FGGY: variants seen among roughly 807,000 people sequenced by gnomAD.
FGGY encodes the protein FGGY carbohydrate kinase domain-containing protein.
A neutral mutation model predicts 71.3 loss-of-function variants in FGGY; 72 were observed. That is an observed-to-expected ratio of 1.01 (90% CI 0.84 to 1.23). The LOEUF is 1.23. FGGY is among the 50% of genes most tolerant of loss of function. The pLI is 0.00. For missense variants in FGGY, 668 were observed against 682.3 expected, an observed-to-expected ratio of 0.98 and a Z score of 0.23; for synonymous variants, 251 against 250.3, an observed-to-expected ratio of 1.00 and a Z score of -0.02.
intron 5 of FGGY, among the ~76,000 whole-genome samples, chr1:59,431,265 G>T (rs2067312735): frequency 6.6e-6 from 1 of 152,076 alleles, no homozygotes; most frequent in African/African-American, 2.4e-5. Flanking sequence ...CCCACTGCTG[G>T]CAGGAAACAA....
chr1:59,543,968 A>G (rs573998983), intron 7 of FGGY, among the ~76,000 whole-genome samples: 10 of 152,360 alleles, frequency 6.6e-5, no homozygotes, highest in African/African-American at 2.4e-4. Context: ...TTTGTTTAGT[A>G]GTGCCTATAT....
At chr1:59,317,538 T>G (rs1261355741) in intron 1 of FGGY, among the ~76,000 whole-genome samples, 1 of 152,220 alleles carries the variant, frequency 6.6e-6, no homozygotes, top group Non-Finnish European at 1.5e-5. Flanking sequence ...GGGGTACTGG[T>G]TGCATAAGAT....
At chr1:59,725,080 T>G (rs1167129060) in intron 14 of FGGY, among the ~76,000 whole-genome samples, 1 of 152,226 alleles carries the variant, frequency 6.6e-6, no homozygotes, top group East Asian at 1.9e-4. Flanking sequence ...CTAGATGTTT[T>G]ATAGTTTTGT....
chr1:59,597,262 G>T (rs1016221785), intron 8 of FGGY, among the ~76,000 whole-genome samples: 1 of 152,166 alleles, frequency 6.6e-6, no homozygotes, highest in African/African-American at 2.4e-5. Context: ...TGATGCTTAT[G>T]CACAGAAATT....
chr1:59,524,964 G>A (rs2094937042), intron 7 of FGGY, among the ~76,000 whole-genome samples: 1 of 152,234 alleles, frequency 6.6e-6, no homozygotes, highest in African/African-American at 2.4e-5. Context: ...AAGAGCTGTG[G>A]CCCTTCATGG....
chr1:59,499,171 T>C (rs2094140003), intron 6 of FGGY, among the ~76,000 whole-genome samples: 1 of 152,148 alleles, frequency 6.6e-6, no homozygotes, highest in Admixed American at 6.6e-5. Context: ...CTGGACACTT[T>C]CTTCTCTGCT....
intron 4 of FGGY, among the ~76,000 whole-genome samples, chr1:59,370,101 A>C (rs144133325): frequency 0.027 from 4,121 of 152,304 alleles, 208 homozygotes; most frequent in African/African-American, 0.095. Context: ...AGGCTTCAGA[A>C]GATGAAACTA....
At chr1:59,464,528 G>A (rs1158050558) in intron 6 of FGGY, among the ~76,000 whole-genome samples, 1 of 152,090 alleles carries the variant, frequency 6.6e-6, no homozygotes, top group Non-Finnish European at 1.5e-5. Context: ...CAGAACGGAA[G>A]GAGATAGAGA....
rs531017244 is a variant in FGGY, at chr1:59,632,109, T to A, written c.1073+6060T>A. Among the ~76,000 whole-genome samples, 112 of 152,318 alleles carry A rather than the reference T, an allele frequency of 7.4e-4. 1 individual carries two copies. The highest frequency in any genetic ancestry group is 3.9e-4 in the Admixed American group (6 of 15,300). The stretch of plus-strand genomic sequence containing the variant: ...TGTCTGATGAGTATCTTTTGAGCAT[T>A]TGTGATACATGAATGAACCAAGCAA... On this transcript the variant is annotated intron_variant, in intron 10 of 15. Transcript: ENST00000303721.
intron 5 of FGGY, among the ~76,000 whole-genome samples, chr1:59,381,628 C>CGTGTGT (rs113981398): frequency 0.014 from 1,994 of 143,250 alleles, 34 homozygotes; most frequent in African/African-American, 0.045. Flanking sequence ...ATGTATAACT[C>CGTGTGT]GTGTGTGTGT....
chr1:59,373,734 G>T (rs1034965520), intron 4 of FGGY, among the ~76,000 whole-genome samples: 3 of 152,020 alleles, frequency 2.0e-5, no homozygotes, highest in Non-Finnish European at 4.4e-5. Context: ...ACAGAACAGA[G>T]CCCTCAGAAA....
intron 7 of FGGY, among the ~76,000 whole-genome samples, chr1:59,538,545 G>A (rs1022235066): frequency 1.6e-4 from 23 of 146,540 alleles, no homozygotes; most frequent in East Asian, 5.9e-4. Context: ...ACATGCACAC[G>A]TATGTTTATT....
intron 2 of FGGY, among the ~76,000 whole-genome samples, chr1:59,335,647 G>T (rs1230194494): frequency 1.3e-5 from 2 of 152,120 alleles, no homozygotes; most frequent in African/African-American, 4.8e-5. Flanking sequence ...ATGTATAAGG[G>T]CATCACTTTC....
chr1:59,533,134 G>T (rs1379129522), intron 7 of FGGY, among the ~76,000 whole-genome samples: 2 of 152,332 alleles, frequency 1.3e-5, no homozygotes, highest in East Asian at 3.9e-4. Flanking sequence ...AGTGGGCGCA[G>T]GACAGTGGGT....
chr1:59,585,903 A>T (rs1335113434), intron 8 of FGGY, among the ~76,000 whole-genome samples: 2 of 152,272 alleles, frequency 1.3e-5, no homozygotes, highest in Non-Finnish European at 2.9e-5. Context: ...GCCAAAAGGC[A>T]CATGAAAAAA....
chr1:59,466,397 A>T (rs11207457), intron 6 of FGGY, among the ~76,000 whole-genome samples: 6,458 of 152,216 alleles, frequency 0.042, 441 homozygotes, highest in African/African-American at 0.15. Flanking sequence ...AAAACCATAA[A>T]AACCCTAGAA....
intron 9 of FGGY, among the ~76,000 whole-genome samples, chr1:59,609,655 C>A (rs2096655835): frequency 6.6e-6 from 1 of 152,220 alleles, no homozygotes; most frequent in African/African-American, 2.4e-5. Context: ...CCTACCAACT[C>A]TTCTAAATGT....
chr1:59,580,122 TA>T (rs1413837807), intron 8 of FGGY, among the ~76,000 whole-genome samples: 1 of 152,156 alleles, frequency 6.6e-6, no homozygotes, highest in Non-Finnish European at 1.5e-5. Flanking sequence ...CACCCTATAT[TA>T]AAATAACAAC....
chr1:59,675,108 G>A (rs2097423375), intron 14 of FGGY, among the ~76,000 whole-genome samples: 1 of 152,156 alleles, frequency 6.6e-6, no homozygotes, highest in Admixed American at 6.6e-5. Context: ...TGGCCTAAAT[G>A]AAACAGCTAG....
Sources: allele counts gnomAD v4.1 joint callset (sites outside exome capture counted in the v4.1 genomes callset), GRCh38; gene constraint gnomAD v4.1.1; transcripts MANE v1.5; gene names NCBI Gene and HGNC (gene_info 2026-07-23, HGNC 2026-07-21).